TOM1L2: variants seen among roughly 807,000 people sequenced by gnomAD.
TOM1L2 encodes the protein TOM1-like protein 2.
A neutral mutation model predicts 67.9 loss-of-function variants in TOM1L2; 31 were observed. That is an observed-to-expected ratio of 0.46 (90% CI 0.34 to 0.62). TOM1L2 has a LOEUF of 0.62. TOM1L2 is among the 20% of genes least tolerant of loss of function. TOM1L2 has a pLI of 0.01. For synonymous variants in TOM1L2, 256 were observed against 254.0 expected, an observed-to-expected ratio of 1.01 and a Z score of -0.07; for missense variants, 606 against 663.5, an observed-to-expected ratio of 0.91 and a Z score of 0.95.
At chr17:17,917,591 G>A (rs1182018609) in intron 1 of TOM1L2, among the ~76,000 whole-genome samples, 1 of 150,602 alleles carries the variant, frequency 6.6e-6, no homozygotes, top group Non-Finnish European at 1.5e-5. Context: ...ATGCCACCAT[G>A]CCTGGCTTCA....
At position 17,884,697 on chromosome 17, in the gene TOM1L2, C is replaced by T. The variant is rs1384757622; in HGVS notation, c.438G>A (p.Arg146=). The T allele has an allele frequency of 1.2e-6, 2 of 1,613,914 alleles. No homozygotes were observed. Among genetic ancestry groups the T allele is most frequent in the East Asian group, 2.2e-5 (1 of 44,898 alleles). The part of the protein sequence containing the change: ...GVVHIYEELK[R]KGVEFPMADL... ...CTGCCATGGGAAATTCAACCCCTTT[C>T]CTCTTCAGCTCCTCATATATGTGCA... Residue 146 remains arginine (R), a synonymous_variant, in exon 5 of 15, where the codon AGG becomes AGA. Coordinates refer to ENST00000379504, the MANE Select transcript of TOM1L2 (RefSeq NM_001082968.2).
At chr17:17,939,631 A>G (rs542485807) in intron 1 of TOM1L2, among the ~76,000 whole-genome samples, 2 of 152,314 alleles carry the variant, frequency 1.3e-5, no homozygotes, top group South Asian at 2.1e-4. Flanking sequence ...AAGTTCTATA[A>G]AGGGTTTGTA....
intron 1 of TOM1L2, among the ~76,000 whole-genome samples, chr17:17,944,435 A>G (rs1417215692): frequency 6.6e-6 from 1 of 152,230 alleles, no homozygotes; most frequent in East Asian, 1.9e-4. Context: ...ATGGAAAATG[A>G]CACCGACAGC....
intron 5 of TOM1L2, among the ~76,000 whole-genome samples, chr17:17,884,055 T>G (rs1197074872): frequency 6.6e-6 from 1 of 152,160 alleles, no homozygotes; most frequent in Admixed American, 6.5e-5. Context: ...TCCACGGTGC[T>G]CAAGTTACTG....
chr17:17,968,239 G>A (rs1308158556), intron 1 of TOM1L2, among the ~76,000 whole-genome samples: 4 of 152,142 alleles, frequency 2.6e-5, no homozygotes, highest in African/African-American at 9.7e-5. Context: ...CCCCCCACAG[G>A]CACTCATAAC....
intron 1 of TOM1L2, among the ~76,000 whole-genome samples, chr17:17,917,305 G>T (rs560865295): frequency 4.4e-4 from 67 of 151,960 alleles, no homozygotes; most frequent in Non-Finnish European, 9.6e-4. Flanking sequence ...CTGCACTCCA[G>T]CCTGGGCGAC....
At chr17:17,955,704 T>C (rs904561763) in intron 1 of TOM1L2, among the ~76,000 whole-genome samples, 3 of 152,128 alleles carry the variant, frequency 2.0e-5, no homozygotes, top group African/African-American at 7.2e-5. Flanking sequence ...GTGTCCAGAA[T>C]TGGTGGGTTC....
rs762405956 is a variant in TOM1L2 at position 17,882,778 on chromosome 17, G to A, written c.587C>T (p.Pro196Leu). The change falls in exon 6 of 15, where the codon CCT becomes CTT. Residue 196 changes from proline to leucine, a missense_variant. Physicochemically the swap from Pro to Leu is moderately conservative, Grantham distance 98 (BLOSUM62 -3). Around this residue, in one of 2 missense-constraint regions of TOM1L2, gnomAD observed 543 missense variants for 554.0 expected, o/e 0.98. Coordinates refer to ENST00000379504, the MANE Select transcript of TOM1L2 (RefSeq NM_001082968.2). ...CTGCGGTGCGGAGTAGGGAGCAGGA[G>A]GCGGCGAGGAATAGGAACCAGCACT... is the stretch of plus-strand genomic sequence containing the variant. ...RTSAGSYSSPPPAPYSAPQAP... is the reference protein window; with the variant it reads ...RTSAGSYSSPLPAPYSAPQAP... The A allele has an allele frequency of 1.2e-6, 2 of 1,614,206 alleles. No individual in the cohort carries two copies. Among genetic ancestry groups the A allele is most frequent in the Non-Finnish European group, 1.7e-6 (2 of 1,180,036 alleles).
intron 4 of TOM1L2, among the ~76,000 whole-genome samples, chr17:17,886,407 G>T (rs754498566): frequency 6.6e-6 from 1 of 152,256 alleles, no homozygotes; most frequent in African/African-American, 2.4e-5. Context: ...ACAGAGCACT[G>T]TCTGGAAGGC....
chr17:17,870,431 G>T (rs966916928), intron 7 of TOM1L2, among the ~76,000 whole-genome samples: 10 of 152,266 alleles, frequency 6.6e-5, no homozygotes, highest in African/African-American at 2.4e-4. Context: ...ACAGAGGAGG[G>T]AGCTGGCAAC....
intron 11 of TOM1L2, chr17:17,861,795 T>C (rs2036573819): frequency 4.2e-6 from 2 of 471,208 alleles, no homozygotes; most frequent in East Asian, 3.8e-5. Flanking sequence ...ATCTCAGATT[T>C]TGTGCACCTC....
intron 1 of TOM1L2, among the ~76,000 whole-genome samples, chr17:17,944,169 G>A (rs1363110523): frequency 1.3e-5 from 2 of 152,192 alleles, no homozygotes; most frequent in African/African-American, 2.4e-5. Flanking sequence ...TGCAGCCCCC[G>A]GATAGGCAGG....
intron 7 of TOM1L2, among the ~76,000 whole-genome samples, chr17:17,878,541 T>G (rs951691499): frequency 6.6e-6 from 1 of 152,132 alleles, no homozygotes; most frequent in Non-Finnish European, 1.5e-5. Context: ...GGGGGCACAA[T>G]AAGCAGCAAC....
chr17:17,867,819 G>T (rs1407373097), intron 8 of TOM1L2, among the ~76,000 whole-genome samples: 2 of 152,248 alleles, frequency 1.3e-5, no homozygotes, highest in East Asian at 3.9e-4. Context: ...GTCCACTGTG[G>T]TTTTAAAAAC....
intron 1 of TOM1L2, among the ~76,000 whole-genome samples, chr17:17,951,447 T>C (rs972387272): frequency 6.6e-6 from 1 of 152,222 alleles, no homozygotes; most frequent in African/African-American, 2.4e-5. Flanking sequence ...TCAAGCCTCA[T>C]GTGTCACCAG....
intron 1 of TOM1L2, among the ~76,000 whole-genome samples, chr17:17,951,291 G>A (rs578014236): frequency 6.6e-6 from 1 of 152,254 alleles, no homozygotes; most frequent in South Asian, 2.1e-4. Flanking sequence ...CTCTGAGAAC[G>A]TTCATAAGAT....
Position 17,857,679 on chromosome 17 carries a change from G to T in TOM1L2, c.1278+3797C>A, listed in dbSNP as rs1291976237. Reference sequence around the variant, plus strand: ...GCCTTGTACTGTCTGATTCACAAAGGCTCGGCAGGTCACAAGAGGAAGACA... The same window carrying T: ...GCCTTGTACTGTCTGATTCACAAAGTCTCGGCAGGTCACAAGAGGAAGACA... On this transcript the variant is annotated intron_variant, in intron 12 of 14. Coordinates refer to ENST00000379504, the MANE Select transcript of TOM1L2 (RefSeq NM_001082968.2). 7 of 1,166,016 alleles carry T rather than the reference G, an allele frequency of 6.0e-6. No individual in the cohort carries two copies. In the African/African-American group the frequency reaches 7.6e-5, roughly 13 times the overall value. The allele number at this position is 1,166,016 out of a possible 1,614,324, so 72.2% of individuals were successfully genotyped here. A position where few individuals can be genotyped will look rare whatever the true frequency, so the allele number is the denominator to read the frequency against.
At chr17:17,922,923 G>A (rs1318395128) in intron 1 of TOM1L2, among the ~76,000 whole-genome samples, 3 of 152,180 alleles carry the variant, frequency 2.0e-5, no homozygotes, top group Non-Finnish European at 4.4e-5. Flanking sequence ...TGAGCAGAGA[G>A]GACCAGGACA....
intron 1 of TOM1L2, among the ~76,000 whole-genome samples, chr17:17,909,987 C>T (rs1251012196): frequency 2.0e-5 from 3 of 152,162 alleles, no homozygotes; most frequent in Admixed American, 1.3e-4. Context: ...TATGATTGAG[C>T]CACTGCATTC....
Sources: allele counts gnomAD v4.1 joint callset (sites outside exome capture counted in the v4.1 genomes callset), GRCh38; gene constraint gnomAD v4.1.1; regional missense constraint gnomAD v4.1.1; transcripts MANE v1.5; gene names NCBI Gene and HGNC (gene_info 2026-07-23, HGNC 2026-07-21).